BCL2: variants seen among roughly 807,000 people sequenced by gnomAD.
BCL2 encodes apoptosis regulator Bcl-2.
In BCL2, 1 loss-of-function variant was observed where a neutral mutation model predicts 14.2. The ratio of observed to expected loss-of-function variants is 0.07; its 90% CI spans 0.02 to 0.33. The LOEUF (loss-of-function observed/expected upper bound fraction) is 0.33, where lower values mean the gene tolerates loss of function less well. Among genes scored for constraint, BCL2 ranks in the 10% least tolerant of loss-of-function variants. The probability of loss-of-function intolerance (pLI) is 0.99; values close to 1 mark genes in which losing one functional copy is unlikely to be tolerated. For missense variants in BCL2, 247 were observed against 305.9 expected, an observed-to-expected ratio of 0.81 and a Z score of 1.44; for synonymous variants, 151 against 137.2, an observed-to-expected ratio of 1.10 and a Z score of -0.70.
intron 2 of BCL2, among the ~76,000 whole-genome samples, chr18:63,238,956 C>G (rs1910917915): frequency 1.3e-5 from 2 of 152,194 alleles, no homozygotes; most frequent in African/African-American, 4.8e-5. Context: ...AGCAGAGCCC[C>G]TGGAGAGCTG....
At chr18:63,153,343 A>G (rs1239764004) in intron 2 of BCL2, among the ~76,000 whole-genome samples, 1 of 152,186 alleles carries the variant, frequency 6.6e-6, no homozygotes, top group African/African-American at 2.4e-5. Context: ...ACTAAAATTC[A>G]GTCATGACTC....
At chr18:63,295,900 C>T (rs571860252) in intron 2 of BCL2, among the ~76,000 whole-genome samples, 3 of 152,274 alleles carry the variant, frequency 2.0e-5, no homozygotes, top group South Asian at 4.1e-4. Context: ...CCTTGCTCCA[C>T]GCTGCCAGGA....
intron 2 of BCL2, among the ~76,000 whole-genome samples, chr18:63,146,710 T>A (rs1181837198): frequency 1.3e-5 from 2 of 152,240 alleles, no homozygotes; most frequent in African/African-American, 4.8e-5. Context: ...ACCAGAAACA[T>A]CATTTAAATG....
At chr18:63,201,242 T>A (rs1004324829) in intron 2 of BCL2, among the ~76,000 whole-genome samples, 15 of 152,160 alleles carry the variant, frequency 9.9e-5, no homozygotes, top group African/African-American at 3.6e-4. Flanking sequence ...AAAAGTTAAA[T>A]TTTTTTCACC....
intron 2 of BCL2, among the ~76,000 whole-genome samples, chr18:63,270,058 G>A (rs906280543): frequency 9.9e-5 from 15 of 152,158 alleles, no homozygotes; most frequent in Admixed American, 3.3e-4. Context: ...ATAAGTGAAA[G>A]GGCAAATTAA....
chr18:63,239,906 C>G (rs1471207395), intron 2 of BCL2, among the ~76,000 whole-genome samples: 2 of 152,170 alleles, frequency 1.3e-5, no homozygotes, highest in African/African-American at 2.4e-5. Context: ...AGTTCACACT[C>G]GCATGCATTG....
At chr18:63,199,802 C>G (rs1228067034) in intron 2 of BCL2, among the ~76,000 whole-genome samples, 1 of 152,190 alleles carries the variant, frequency 6.6e-6, no homozygotes, top group African/African-American at 2.4e-5. Context: ...GCTCATCCCA[C>G]TTCTGTGCTG....
chr18:63,315,936 C>T (rs1913484720), intron 2 of BCL2: 1 of 152,446 alleles, frequency 6.6e-6, no homozygotes, highest in South Asian at 2.1e-4. Flanking sequence ...AAAGCTATTA[C>T]ATATTTTACC....
chr18:63,126,769 TA>T lies in BCL2; in HGVS notation c.*1855del, dbSNP rs1385117259. 1 of 226,688 alleles carries T rather than the reference TA, an allele frequency of 4.4e-6. No homozygotes were observed. Among genetic ancestry groups the T allele is most frequent in the Non-Finnish European group, 8.8e-6 (1 of 113,964 alleles). 14.0% of individuals were successfully genotyped at this position (226,688 alleles called of 1,614,324 possible). On this transcript the variant is annotated 3_prime_UTR_variant, in exon 3 of 3. Coordinates refer to ENST00000333681, the MANE Select transcript of BCL2 (RefSeq NM_000633.3). Reference sequence around the variant, plus strand: ...TTGCTCACAAATAGTGTATAGGCCATAACTAAATACAATTAAAAACAAAAAA... The same window carrying T: ...TTGCTCACAAATAGTGTATAGGCCATACTAAATACAATTAAAAACAAAAAA...
intron 2 of BCL2, among the ~76,000 whole-genome samples, chr18:63,294,672 A>C (rs113792349): frequency 4.9e-4 from 75 of 151,804 alleles, no homozygotes; most frequent in African/African-American, 1.8e-3. Flanking sequence ...TCCGCCTCAA[A>C]AGAAAAGAAA....
chr18:63,239,019 G>T (rs975654390), intron 2 of BCL2, among the ~76,000 whole-genome samples: 2 of 152,234 alleles, frequency 1.3e-5, no homozygotes, highest in African/African-American at 4.8e-5. Context: ...AGAGGCGGGG[G>T]CCTGTGAAAT....
intron 2 of BCL2, among the ~76,000 whole-genome samples, chr18:63,132,462 G>A (rs771046449): frequency 1.3e-5 from 2 of 152,284 alleles, no homozygotes; most frequent in Non-Finnish European, 2.9e-5. Flanking sequence ...AGGATAGTCC[G>A]TAATTTCTAT....
At chr18:63,230,081 A>G (rs1910650360) in intron 2 of BCL2, among the ~76,000 whole-genome samples, 1 of 152,216 alleles carries the variant, frequency 6.6e-6, no homozygotes. Flanking sequence ...TAAATAGAGA[A>G]TGCACATGAA....
intron 2 of BCL2, among the ~76,000 whole-genome samples, chr18:63,202,327 C>T (rs1909717856): frequency 6.6e-6 from 1 of 152,008 alleles, no homozygotes; most frequent in African/African-American, 2.4e-5. Flanking sequence ...TAAAATATTC[C>T]TACATTCACA....
At chr18:63,237,175 G>A (rs1910862379) in intron 2 of BCL2, among the ~76,000 whole-genome samples, 1 of 152,124 alleles carries the variant, frequency 6.6e-6, no homozygotes, top group African/African-American at 2.4e-5. Flanking sequence ...GGGGACTGTG[G>A]TATGGAGGCC....
intron 2 of BCL2, among the ~76,000 whole-genome samples, chr18:63,244,381 A>G (rs749085230): frequency 2.0e-5 from 3 of 151,580 alleles, no homozygotes; most frequent in Non-Finnish European, 4.4e-5. Context: ...CTGTCTCAAA[A>G]ACAACAACAA....
chr18:63,199,180 CAT>C (rs1012620411), intron 2 of BCL2, among the ~76,000 whole-genome samples: 224 of 147,942 alleles, frequency 1.5e-3, no homozygotes, highest in African/African-American at 5.0e-3. Flanking sequence ...CACATAGACA[CAT>C]ACACAGACAC....
chr18:63,264,957 T>A (rs1002896281), intron 2 of BCL2, among the ~76,000 whole-genome samples: 6 of 358 alleles, frequency 0.017, no homozygotes, highest in Non-Finnish European at 0.032. Context: ...GAACACGGAC[T>A]CTCACCGGTG....
rs777401949 is a variant in BCL2 at position 63,318,609 on chromosome 18, G to T, written c.58C>A (p.His20Asn). The T allele has an allele frequency of 1.9e-6, 3 of 1,612,944 alleles. No individual in the cohort carries two copies. The Admixed American group carries it at 5.0e-5, about 27-fold the overall frequency. Residue 20 changes from histidine to asparagine, a missense_variant, in exon 2 of 3, where the codon CAT becomes AAT. His to Asn is a moderately conservative substitution (Grantham distance 68, BLOSUM62 1). Around this residue, in one of 3 missense-constraint regions of BCL2, gnomAD observed 144 missense variants for 135.3 expected, o/e 1.06. Transcript: ENST00000333681. This position sits in a 1 kb window ranked among gnomAD's most constrained non-coding sequence, Gnocchi z 7.4. ...DNREIVMKYI[H>N]YKLSQRGYEW... Reference sequence around the variant, plus strand: ...TAGCCCCTCTGCGACAGCTTATAATGGATGTACTTCATCACTATCTCCCGG... The same window carrying T: ...TAGCCCCTCTGCGACAGCTTATAATTGATGTACTTCATCACTATCTCCCGG...
Sources: gnomAD v4.1 joint callset for allele counts (sites outside exome capture counted in the v4.1 genomes callset) on GRCh38, gnomAD v4.1.1 for gene constraint, gnomAD v4.1.1 regional missense constraint, Gnocchi (gnomAD v3.1) non-coding constraint, MANE v1.5 for transcripts, NCBI Gene and HGNC (gene_info 2026-07-23, HGNC 2026-07-21) for gene names.